Variants in CLVS1 observed in about 807,000 individuals in gnomAD.
The protein encoded by CLVS1 is clavesin 1, also known as clavesin-1.
A neutral mutation model predicts 33.1 loss-of-function variants in CLVS1; 10 were observed. The ratio of observed to expected loss-of-function variants is 0.30; its 90% CI spans 0.19 to 0.51. The LOEUF (loss-of-function observed/expected upper bound fraction) is 0.51. CLVS1 is among the 20% of genes least tolerant of loss of function. CLVS1 has a pLI of 0.97. For missense variants in CLVS1, 343 were observed against 433.4 expected (o/e 0.79, Z 1.85); for synonymous variants, 163 against 166.1 (o/e 0.98, Z 0.14).
At chr8:61,434,584 C>T (rs192413092) in intron 3 of CLVS1, among the ~76,000 whole-genome samples, 211 of 152,134 alleles carry the variant, frequency 1.4e-3, no homozygotes, top group African/African-American at 4.5e-3. Context: ...CTCAGAAAAG[C>T]GGGACAACTC....
chr8:61,067,822 G>A (rs1020763194), intron 1 of CLVS1, among the ~76,000 whole-genome samples: 4 of 152,052 alleles, frequency 2.6e-5, no homozygotes, highest in Admixed American at 2.0e-4. Flanking sequence ...GGGACTACTA[G>A]AAGGGGGAGG....
chr8:61,092,211 C>T (rs1327606096), intron 1 of CLVS1, among the ~76,000 whole-genome samples: 1 of 152,178 alleles, frequency 6.6e-6, no homozygotes, highest in Non-Finnish European at 1.5e-5. Context: ...TGAACTTTTT[C>T]CATTAATTAC....
chr8:61,415,095 T>C (rs1473883215), intron 3 of CLVS1, among the ~76,000 whole-genome samples: 4 of 152,244 alleles, frequency 2.6e-5, no homozygotes, highest in African/African-American at 9.6e-5. Flanking sequence ...GGCTTTTGGC[T>C]TAATTATGCT....
At chr8:61,100,396 A>G (rs968702898) in intron 1 of CLVS1, among the ~76,000 whole-genome samples, 4 of 152,166 alleles carry the variant, frequency 2.6e-5, no homozygotes, top group Non-Finnish European at 4.4e-5. Context: ...ATTACATTAG[A>G]ACTTCGAATA....
intron 2 of CLVS1, among the ~76,000 whole-genome samples, chr8:61,167,838 G>A (rs529721773): frequency 7.4e-4 from 113 of 152,222 alleles, no homozygotes; most frequent in Non-Finnish European, 1.3e-3. Context: ...TCCCACCAGC[G>A]CCTAGACAGT....
intron 2 of CLVS1, among the ~76,000 whole-genome samples, chr8:61,371,117 T>C (rs1459223095): frequency 1.3e-5 from 2 of 152,236 alleles, no homozygotes; most frequent in Non-Finnish European, 2.9e-5. Flanking sequence ...CCACCAGCAG[T>C]GTAAAAGCGT....
At chr8:61,277,124 C>T (rs955318305) in intron 2 of CLVS1, among the ~76,000 whole-genome samples, 6 of 152,222 alleles carry the variant, frequency 3.9e-5, no homozygotes, top group African/African-American at 1.4e-4. Context: ...TTTCTCTCCA[C>T]TGATATAGCA....
At chr8:61,118,820 G>C (rs567818711) in intron 1 of CLVS1, among the ~76,000 whole-genome samples, 1 of 152,178 alleles carries the variant, frequency 6.6e-6, no homozygotes, top group East Asian at 1.9e-4. Context: ...AAGAGGTGTG[G>C]TGTGGTGCTG....
chr8:61,160,556 T>A (rs757757995), intron 2 of CLVS1, among the ~76,000 whole-genome samples: 1 of 152,134 alleles, frequency 6.6e-6, no homozygotes, highest in Non-Finnish European at 1.5e-5. Flanking sequence ...CCTTAGAGTA[T>A]CCCCACCTAC....
intron 2 of CLVS1, among the ~76,000 whole-genome samples, chr8:61,227,361 G>A (rs1220614501): frequency 6.7e-6 from 1 of 150,310 alleles, no homozygotes; most frequent in African/African-American, 2.4e-5. Context: ...TGTAAAATCT[G>A]ATTCTGGGAA....
chr8:61,284,131 T>A (rs1202818926), upstream of CLVS1, among the ~76,000 whole-genome samples: 1 of 152,154 alleles, frequency 6.6e-6, no homozygotes, highest in Non-Finnish European at 1.5e-5. Context: ...AAGAAAAATA[T>A]CTCATGGTCT....
chr8:61,367,476 T>C (rs1813260172), intron 2 of CLVS1, among the ~76,000 whole-genome samples: 1 of 152,168 alleles, frequency 6.6e-6, no homozygotes, highest in South Asian at 2.1e-4. Flanking sequence ...GTGGAAGACT[T>C]TCCAAAACTC....
At chr8:61,402,580 A>T (rs145611356) in intron 3 of CLVS1, among the ~76,000 whole-genome samples, 19 of 152,352 alleles carry the variant, frequency 1.2e-4, no homozygotes, top group African/African-American at 4.6e-4. Flanking sequence ...ATAATTAAAT[A>T]CTAAAATGAA....
At chr8:61,120,020 T>C (rs1278538329) in intron 1 of CLVS1, among the ~76,000 whole-genome samples, 2 of 147,176 alleles carry the variant, frequency 1.4e-5, no homozygotes, top group African/African-American at 2.6e-5. Flanking sequence ...CAATCAGACG[T>C]AGATTTGGTC....
At chr8:61,450,540 G>T (rs13270887) in intron 3 of CLVS1, among the ~76,000 whole-genome samples, 10,484 of 152,228 alleles carry the variant, frequency 0.069, 437 homozygotes, top group Non-Finnish European at 0.089. Context: ...CCAACTGTTC[G>T]TCATGTAGTA....
intron 1 of CLVS1, among the ~76,000 whole-genome samples, chr8:61,083,173 G>C (rs534461361): frequency 3.3e-4 from 50 of 152,262 alleles, no homozygotes; most frequent in Non-Finnish European, 4.6e-4. Flanking sequence ...AAAAAATGAA[G>C]GGAAAATAAA....
chr8:61,208,677 C>CT (rs1807909056), intron 2 of CLVS1, among the ~76,000 whole-genome samples: 1 of 83,066 alleles, frequency 1.2e-5, no homozygotes, highest in African/African-American at 1.2e-4. Context: ...TAACCTCTGC[C>CT]TCCAGGTTCA....
At chr8:61,224,715 GA>G (rs1246469127) in intron 2 of CLVS1, among the ~76,000 whole-genome samples, 2 of 152,130 alleles carry the variant, frequency 1.3e-5, no homozygotes, top group Non-Finnish European at 2.9e-5. Context: ...TCTGACAAAA[GA>G]GACTTTAAAC....
intron 2 of CLVS1, among the ~76,000 whole-genome samples, chr8:61,199,152 C>G (rs1300264634): frequency 1.3e-5 from 2 of 152,060 alleles, no homozygotes; most frequent in Admixed American, 1.3e-4. Flanking sequence ...ATACTGTTTT[C>G]CACATTGAAA....
Sources: allele counts gnomAD v4.1 joint callset (sites outside exome capture counted in the v4.1 genomes callset), GRCh38; gene constraint gnomAD v4.1.1; transcripts MANE v1.5; gene names NCBI Gene and HGNC (gene_info 2026-07-23, HGNC 2026-07-21).